Variants in CCDC192 observed in about 807,000 individuals in gnomAD.
The protein encoded by CCDC192 is coiled-coil domain-containing protein 192.
intron 3 of CCDC192, 56 bp downstream of exon 3, chr5:127,754,431 G>C (rs1760962793): frequency 2.6e-6 from 1 of 387,358 alleles, no homozygotes; most frequent in Non-Finnish European, 4.5e-6. Context: ...AGCATGGCAA[G>C]TGTAAATGTA....
chr5:127,707,409 T>C (rs1561437365), intron 1 of CCDC192, among the ~76,000 whole-genome samples: 1 of 151,442 alleles, frequency 6.6e-6, no homozygotes, highest in Non-Finnish European at 1.5e-5. Flanking sequence ...CTCCCCACTT[T>C]TTTTTTTTTA....
rs112693396 is a variant in CCDC192, at chr5:127,800,047, T to C, written c.411+1885T>C. ...AAAGAAAATGGAATCTTAAAAAGAT[T>C]AGATCACTCGTCACACTCTGAAACC... On this transcript the variant is annotated intron_variant, in intron 5 of 6. Coordinates refer to ENST00000514853, the MANE Select transcript of CCDC192 (RefSeq NM_001317938.2). 2.9e-4 allele frequency among the ~76,000 whole-genome samples: 44 copies of C among 152,234 alleles called. 1 individual carries two copies. The highest frequency in any genetic ancestry group is 1.0e-3 in the African/African-American group (42 of 41,550).
intron 3 of CCDC192, among the ~76,000 whole-genome samples, chr5:127,783,902 T>C (rs1756387372): frequency 6.6e-6 from 1 of 152,242 alleles, no homozygotes. Context: ...CTTTGTATTT[T>C]TTAACTGCTG....
At chr5:127,793,089 A>G (rs1425465620) in intron 3 of CCDC192, among the ~76,000 whole-genome samples, 1 of 152,206 alleles carries the variant, frequency 6.6e-6, no homozygotes, top group Non-Finnish European at 1.5e-5. Flanking sequence ...CCTCAGCATC[A>G]TGCAATATAC....
At chr5:127,836,599 A>G (rs1750048531) in intron 5 of CCDC192, among the ~76,000 whole-genome samples, 1 of 152,250 alleles carries the variant, frequency 6.6e-6, no homozygotes. Flanking sequence ...AAATCTAAGC[A>G]GAAGTTCCCA....
At chr5:127,940,360 G>A (rs936322987) in intron 6 of CCDC192, 1 of 152,164 alleles carries the variant, frequency 6.6e-6, no homozygotes, top group Non-Finnish European at 1.5e-5. Context: ...CATCCTTGCC[G>A]ACTCTAAAGC....
intron 6 of CCDC192, among the ~76,000 whole-genome samples, chr5:127,907,891 C>T (rs1459803194): frequency 1.3e-5 from 2 of 152,144 alleles, no homozygotes; most frequent in South Asian, 4.1e-4. Context: ...ATCTGATAAC[C>T]CAGAGCATTC....
chr5:127,773,294 A>G (rs972827057), intron 3 of CCDC192, among the ~76,000 whole-genome samples: 5 of 152,182 alleles, frequency 3.3e-5, no homozygotes, highest in African/African-American at 1.2e-4. Flanking sequence ...AATTCACAGA[A>G]CTTAGAATTC....
intron 1 of CCDC192, among the ~76,000 whole-genome samples, chr5:127,707,080 G>C (rs114754523): frequency 2.2e-4 from 33 of 152,330 alleles, no homozygotes; most frequent in Non-Finnish European, 3.8e-4. Flanking sequence ...AATTGGACAA[G>C]TGCAGTTTCT....
chr5:127,877,084 T>A (rs1039524276), intron 6 of CCDC192, among the ~76,000 whole-genome samples: 16 of 152,196 alleles, frequency 1.1e-4, no homozygotes, highest in Admixed American at 5.9e-4. Context: ...TGGAGAAAGT[T>A]CCCCAGCTCG....
At chr5:127,812,972 C>T (rs1758164135) in intron 5 of CCDC192, among the ~76,000 whole-genome samples, 1 of 152,204 alleles carries the variant, frequency 6.6e-6, no homozygotes, top group African/African-American at 2.4e-5. Context: ...AACCAAATGC[C>T]CCAACTGGGA....
chr5:127,739,839 C>T (rs1017624963), intron 2 of CCDC192: 2 of 152,602 alleles, frequency 1.3e-5, no homozygotes, highest in Non-Finnish European at 2.9e-5. Context: ...CTGGCACTCC[C>T]TAGTGAGATG....
intron 5 of CCDC192, among the ~76,000 whole-genome samples, chr5:127,858,689 C>T (rs185196522): frequency 2.0e-5 from 3 of 152,318 alleles, no homozygotes; most frequent in East Asian, 3.9e-4. Context: ...CTGCATGAGG[C>T]ATTTACCCAG....
intron 5 of CCDC192, among the ~76,000 whole-genome samples, chr5:127,820,687 A>G (rs561679722): frequency 2.2e-4 from 33 of 152,310 alleles, no homozygotes; most frequent in Middle Eastern, 6.8e-3. Flanking sequence ...ACTCTATAAC[A>G]TAGAAAAACA....
chr5:127,929,341 G>A (rs1753954910), intron 6 of CCDC192, among the ~76,000 whole-genome samples: 1 of 152,178 alleles, frequency 6.6e-6, no homozygotes, highest in African/African-American at 2.4e-5. Context: ...GCTAGGAAAA[G>A]AGAGACTCCT....
intron 6 of CCDC192, among the ~76,000 whole-genome samples, chr5:127,930,626 T>A (rs1754001777): frequency 1.3e-5 from 2 of 152,220 alleles, no homozygotes; most frequent in South Asian, 4.1e-4. Context: ...ATGCTAACAG[T>A]CTTCTCAACC....
intron 2 of CCDC192, chr5:127,739,418 C>A (rs1753257616): frequency 6.6e-6 from 1 of 152,398 alleles, no homozygotes; most frequent in Admixed American, 6.5e-5. Flanking sequence ...GTGGAGCCTA[C>A]AGAGGCAGGC....
At position 127,703,523 on chromosome 5, in the gene CCDC192, C is replaced by T. The variant is rs957523690; in HGVS notation, c.62+16C>T. ...AGAGAAGCAGGTGAGTTCCCAGCTCCTCTCATCCCAAAATAATTCATGGGA... is the reference window on the plus strand; with the variant it reads ...AGAGAAGCAGGTGAGTTCCCAGCTCTTCTCATCCCAAAATAATTCATGGGA... On this transcript the variant is annotated intron_variant, in intron 1 of 6. Transcript: ENST00000514853. The T allele has an allele frequency of 1.8e-5, 7 of 398,656 alleles. No homozygotes were observed. The highest frequency in any genetic ancestry group is 1.2e-4 in the African/African-American group (6 of 48,610). 24.7% of individuals were successfully genotyped at this position (398,656 alleles called of 1,614,324 possible).
At chr5:127,749,587 G>A (rs1174373650) in intron 2 of CCDC192, among the ~76,000 whole-genome samples, 2 of 151,782 alleles carry the variant, frequency 1.3e-5, no homozygotes, top group South Asian at 4.2e-4. Context: ...TTTTGGTTGT[G>A]TCTCTGCCCG....
Sources: gnomAD v4.1 joint callset for allele counts (sites outside exome capture counted in the v4.1 genomes callset) on GRCh38, gnomAD v4.1.1 for gene constraint, MANE v1.5 for transcripts, NCBI Gene and HGNC (gene_info 2026-07-23, HGNC 2026-07-21) for gene names.